The following FCRL5 variants were observed in gnomAD, a reference collection of about 807,000 sequenced individuals.
FCRL5 encodes the protein Fc receptor-like protein 5.
FCRL5 carries 79 observed loss-of-function variants against 92.1 expected under a neutral mutation model. That is an observed-to-expected ratio of 0.86 (90% CI 0.72 to 1.03). The LOEUF is 1.03. FCRL5 is among the 50% of genes least tolerant of loss of function. The pLI is 0.00. For missense variants in FCRL5, 1,160 were observed against 1,181.1 expected, an observed-to-expected ratio of 0.98 and a Z score of 0.26; for synonymous variants, 466 against 469.3, an observed-to-expected ratio of 0.99 and a Z score of 0.09.
At chr1:157,544,596 T>C in intron 4 of FCRL5, 50 bp from the exon 5 acceptor site, 1 of 1,590,178 alleles carries the variant, frequency 6.3e-7, no homozygotes, top group Non-Finnish European at 8.6e-7. Context: ...TGGAACTGCT[T>C]TGGAGAAAAG....
chr1:157,552,243 G>T, intron 1 of FCRL5, 89 bp downstream of exon 1: 2 of 1,297,322 alleles, frequency 1.5e-6, no homozygotes, highest in Non-Finnish European at 1.1e-6. Context: ...TCTCAGCAGG[G>T]GCTGAGCCCC....
In FCRL5 at chr1:157,527,866, T is replaced by C. The variant is rs373102783; in HGVS notation, c.1711A>G (p.Arg571Gly). 17 of 1,603,542 alleles carry C rather than the reference T, an allele frequency of 1.1e-5. No homozygotes were observed. The African/African-American group carries it at 1.6e-4, about 15-fold the overall frequency. ...ACCACAGCCTGGGCCCTGGGAACCC[T>C]GAGGGTGAGGATGGGGCGAGACACT... ...VPVSRPILTL[R>G]VPRAQAVVGD... Residue 571 changes from arginine to glycine, a missense_variant, in exon 9 of 17, where the codon AGG becomes GGG. Transcript: ENST00000361835.
At chr1:157,524,151 G>A (rs1188024592) in intron 10 of FCRL5, 128 bp downstream of exon 10, 1 of 919,550 alleles carries the variant, frequency 1.1e-6, no homozygotes, top group African/African-American at 1.7e-5. Context: ...GGTTCTGCAG[G>A]CAGGAAGTGT....
intron 1 of FCRL5, 96 bp from the exon 2 acceptor site, chr1:157,549,676 C>T: frequency 5.5e-6 from 6 of 1,087,692 alleles, no homozygotes; most frequent in Non-Finnish European, 7.9e-6. Flanking sequence ...TATTACTTGT[C>T]CCTTTAAAAA....
At chr1:157,521,372 A>G in intron 10 of FCRL5, 80 bp from the exon 11 acceptor site, 2 of 1,457,088 alleles carry the variant, frequency 1.4e-6, no homozygotes, top group Non-Finnish European at 1.8e-6. Flanking sequence ...AAACAAATGT[A>G]AAAAGTCATA....
chr1:157,544,175 A>G lies in FCRL5; in HGVS notation c.844+87T>C, dbSNP rs543413531. The G allele has an allele frequency of 2.1e-3, 2,923 of 1,425,080 alleles. 8 individuals carry two copies. The highest frequency in any genetic ancestry group is 4.5e-3 in the Middle Eastern group (23 of 5,078). The allele number at this position is 1,425,080 out of a possible 1,614,324, so 88.3% of individuals were successfully genotyped here. A position where few individuals can be genotyped will look rare whatever the true frequency, so the allele number is the denominator to read the frequency against. On this transcript the variant is annotated intron_variant, in intron 5 of 16. Transcript: ENST00000361835. ...TCTCACAGGTACGAGTTTTTTCTAC[A>G]GAGACTGGTGACCCACGCTGATATG...
At chr1:157,529,123 A>G (rs1033724164) in intron 8 of FCRL5, among the ~76,000 whole-genome samples, 2 of 152,366 alleles carry the variant, frequency 1.3e-5, no homozygotes, top group African/African-American at 4.8e-5. Context: ...GGAAAAAACA[A>G]TCACATCAAA....
At position 157,527,658 on chromosome 1, in the gene FCRL5, A is replaced by C; in HGVS notation, c.1919T>G (p.Leu640Arg). ...GNYSCEANNG[L>R]VAQHSDTISL... The stretch of plus-strand genomic sequence containing the variant: ...TATTGTGTCACTGTGCTGGGCCACT[A>C]GGCCATTGTTGGCCTCACATGAGTA... The change falls in exon 9 of 17, where the codon CTA (leucine) becomes CGA (arginine). Residue 640 changes from leucine (L) to arginine (R), a missense_variant. Coordinates refer to ENST00000361835, the MANE Select transcript of FCRL5 (RefSeq NM_031281.3). 1 of 1,613,910 alleles carries C rather than the reference A, an allele frequency of 6.2e-7. No individual in the cohort carries two copies.
chr1:157,520,850 C>G (rs1233070476), intron 11 of FCRL5, among the ~76,000 whole-genome samples, 167 bp downstream of exon 11: 1 of 152,246 alleles, frequency 6.6e-6, no homozygotes, highest in Non-Finnish European at 1.5e-5. Flanking sequence ...TCAGCCCCAA[C>G]GCCATCACTT....
chr1:157,521,612 G>A, intron 10 of FCRL5: 1 of 205,686 alleles, frequency 4.9e-6, no homozygotes, highest in Non-Finnish European at 9.6e-6. Context: ...TTTCAGGTTG[G>A]CAAAGCTTAA....
chr1:157,528,245 T>G (rs1194275066), intron 8 of FCRL5: 2 of 164,762 alleles, frequency 1.2e-5, no homozygotes, highest in East Asian at 1.7e-4. Context: ...TACTTAGAAA[T>G]ACACCTTCAC....
intron 10 of FCRL5, among the ~76,000 whole-genome samples, chr1:157,523,617 C>G (rs1650297582): frequency 6.6e-6 from 1 of 152,216 alleles, no homozygotes; most frequent in Non-Finnish European, 1.5e-5. Flanking sequence ...TCAGAGCTCA[C>G]TAGAAGCAGC....
chr1:157,547,037 T>A lies in FCRL5; in HGVS notation c.213A>T (p.Pro71=). 1 of 1,614,224 alleles carries A rather than the reference T, an allele frequency of 6.2e-7. No homozygotes were observed. Among genetic ancestry groups the A allele is most frequent in the Non-Finnish European group, 8.5e-7 (1 of 1,180,034 alleles). The change falls in exon 3 of 17, where the codon CCA becomes CCT. Residue 71 remains proline, a synonymous_variant. Transcript: ENST00000361835. ...YLGKEILRET[P]DNILEVQESG... ...ATTCCTGAACCTCAAGGATATTGTC[T>A]GGGGTTTCTCTTAGTATTTCTTTCC...
In FCRL5 at chr1:157,547,129, T is replaced by G. The variant is rs767010836; in HGVS notation, c.121A>C (p.Thr41Pro). The change falls in exon 3 of 17, where the codon ACC (threonine) becomes CCC (proline). Residue 41 changes from threonine to proline, a missense_variant. By Grantham distance (38) the Thr-to-Pro change is conservative (BLOSUM62 -1). Coordinates refer to ENST00000361835, the MANE Select transcript of FCRL5 (RefSeq NM_031281.3). ...AAGCGAAATCCCTTGCAAGTGAGGG[T>G]CACTCTCTCTCCTTGGAAGACTGTG... is the stretch of plus-strand genomic sequence containing the variant. Reference protein sequence around the residue: ...WTTVFQGERVTLTCKGFRFYS... With the variant: ...WTTVFQGERVPLTCKGFRFYS... 1.2e-6 allele frequency: 2 copies of G among 1,614,044 alleles called. No homozygotes were observed. Among genetic ancestry groups the G allele is most frequent in the Non-Finnish European group, 1.7e-6 (2 of 1,179,978 alleles).
chr1:157,527,099 T>C lies in FCRL5; in HGVS notation c.1960+518A>G, dbSNP rs116522413. On this transcript the variant is annotated intron_variant, in intron 9 of 16. Transcript: ENST00000361835. Reference sequence around the variant, plus strand: ...CATGGAAGATCTTGATGTTGCTGAATGGAACAGGAGCAGGTAAGGAGGCAG... The same window carrying C: ...CATGGAAGATCTTGATGTTGCTGAACGGAACAGGAGCAGGTAAGGAGGCAG... Among the ~76,000 whole-genome samples the C allele has an allele frequency of 9.8e-3, 1,493 of 152,244 alleles. 25 individuals are homozygous for C. The highest frequency in any genetic ancestry group is 0.033 in the African/African-American group (1,357 of 41,550).
At chr1:157,549,340 A>T (rs1328819416) in intron 2 of FCRL5, among the ~76,000 whole-genome samples, 1 of 151,764 alleles carries the variant, frequency 6.6e-6, no homozygotes, top group African/African-American at 2.4e-5. Context: ...ATGTTAAATG[A>T]CGAGTTAGTG....
intron 1 of FCRL5, among the ~76,000 whole-genome samples, chr1:157,550,579 T>G (rs1325109493): frequency 1.3e-5 from 2 of 152,228 alleles, no homozygotes; most frequent in African/African-American, 4.8e-5. Flanking sequence ...CTTCATTATC[T>G]GCTTGTTTAT....
At chr1:157,541,299 C>A (rs1038472820) in intron 6 of FCRL5, among the ~76,000 whole-genome samples, 44 of 152,218 alleles carry the variant, frequency 2.9e-4, no homozygotes, top group Admixed American at 2.7e-3. Flanking sequence ...TTACTCCTGG[C>A]TGCCCCCCAA....
intron 11 of FCRL5, among the ~76,000 whole-genome samples, chr1:157,520,783 A>G (rs1390623871): frequency 5.3e-5 from 8 of 152,246 alleles, no homozygotes; most frequent in Admixed American, 5.2e-4. Context: ...GGAGGCAGCC[A>G]GGTGAGGACC....
Sources: gnomAD v4.1 joint callset for allele counts (sites outside exome capture counted in the v4.1 genomes callset) on GRCh38, gnomAD v4.1.1 for gene constraint, MANE v1.5 for transcripts, NCBI Gene and HGNC (gene_info 2026-07-23, HGNC 2026-07-21) for gene names.